The following ACACA variants were observed in gnomAD, a reference collection of about 807,000 sequenced individuals.
The protein encoded by ACACA is acetyl-CoA carboxylase 1.
In ACACA, 103 loss-of-function variants were observed where a neutral mutation model predicts 296.1. That is an observed-to-expected ratio of 0.35 (90% CI 0.30 to 0.41). The LOEUF (loss-of-function observed/expected upper bound fraction) is 0.41. Ranked by LOEUF, ACACA falls within the 10% of genes least tolerant of loss-of-function variation. The pLI is 1.00. For synonymous variants in ACACA, 953 were observed against 1,038.6 expected (o/e 0.92, Z 1.58); for missense variants, 1,554 against 2,989.7 (o/e 0.52, Z 11.20).
chr17:37,193,278 G>T, intron 36 of ACACA, 96 bp downstream of exon 36: 2 of 927,454 alleles, frequency 2.2e-6, no homozygotes, highest in Non-Finnish European at 3.4e-6. Context: ...AGAGAAAAAA[G>T]AATGGCAAGA....
chr17:37,251,253 T>C (rs1231661753), intron 16 of ACACA, among the ~76,000 whole-genome samples: 1 of 152,188 alleles, frequency 6.6e-6, no homozygotes, highest in African/African-American at 2.4e-5. Flanking sequence ...CCAAGGGATT[T>C]AGATTTGATA....
At chr17:37,335,856 CTTT>C (rs1240282525) in intron 2 of ACACA, among the ~76,000 whole-genome samples, 1 of 152,074 alleles carries the variant, frequency 6.6e-6, no homozygotes, top group Non-Finnish European at 1.5e-5. Context: ...GCGGGGGAAC[CTTT>C]TTATTTTTAG....
chr17:37,189,362 C>T (rs2077658676), intron 38 of ACACA, among the ~76,000 whole-genome samples: 1 of 152,144 alleles, frequency 6.6e-6, no homozygotes, highest in Non-Finnish European at 1.5e-5. Context: ...TCTTACATTC[C>T]CTTTCTCTTG....
At chr17:37,301,037 A>T (rs918547999) in intron 3 of ACACA, among the ~76,000 whole-genome samples, 1 of 152,226 alleles carries the variant, frequency 6.6e-6, no homozygotes, top group Non-Finnish European at 1.5e-5. Context: ...AACTTGTTAT[A>T]CAAGTTCACC....
At chr17:37,319,943 T>C (rs2047270988) in intron 3 of ACACA, among the ~76,000 whole-genome samples, 1 of 151,312 alleles carries the variant, frequency 6.6e-6, no homozygotes, top group African/African-American at 2.4e-5. Flanking sequence ...AGAGTGAGAC[T>C]CCATCTCAAA....
At chr17:37,154,808 A>G (rs2076174465) in intron 43 of ACACA, among the ~76,000 whole-genome samples, 1 of 152,184 alleles carries the variant, frequency 6.6e-6, no homozygotes, top group African/African-American at 2.4e-5. Flanking sequence ...AGCAATTAAC[A>G]TTCTTAAAAA....
chr17:37,156,397 T>G (rs1328920933), intron 42 of ACACA, among the ~76,000 whole-genome samples: 1 of 146,642 alleles, frequency 6.8e-6, no homozygotes, highest in Non-Finnish European at 1.5e-5. Flanking sequence ...AGGGTCATTT[T>G]CTGATCTTTA....
At chr17:37,123,066 C>T (rs2074603381) in intron 48 of ACACA, among the ~76,000 whole-genome samples, 1 of 152,158 alleles carries the variant, frequency 6.6e-6, no homozygotes, top group Admixed American at 6.5e-5. Context: ...TGAGGACTGA[C>T]CTTGCTGAAA....
At chr17:37,162,403 C>T (rs900675460) in intron 41 of ACACA, among the ~76,000 whole-genome samples, 1 of 152,158 alleles carries the variant, frequency 6.6e-6, no homozygotes, top group Non-Finnish European at 1.5e-5. Flanking sequence ...TATACTAAGA[C>T]ACTGATATGG....
intron 10 of ACACA, among the ~76,000 whole-genome samples, chr17:37,266,355 A>C (rs200036749): frequency 6.6e-6 from 1 of 151,946 alleles, no homozygotes; most frequent in East Asian, 1.9e-4. Context: ...TGGAGGTTGC[A>C]GTGAGCCGAG....
chr17:37,303,176 A>G (rs923796857), intron 3 of ACACA, among the ~76,000 whole-genome samples: 1 of 152,158 alleles, frequency 6.6e-6, no homozygotes, highest in African/African-American at 2.4e-5. Flanking sequence ...ATGCTCCCCA[A>G]TCCTAGCCAA....
intron 45 of ACACA, chr17:37,144,327 C>T (rs533182943): frequency 9.5e-6 from 5 of 524,022 alleles, no homozygotes; most frequent in Middle Eastern, 5.8e-4. Context: ...CACAGAGTCA[C>T]CCAGTGCCTG....
At chr17:37,368,197 G>C (rs1173726648) in intron 1 of ACACA, among the ~76,000 whole-genome samples, 1 of 152,178 alleles carries the variant, frequency 6.6e-6, no homozygotes, top group Non-Finnish European at 1.5e-5. Context: ...ACTTGAACCC[G>C]AGGGGCGGAG....
rs182009232 is a variant in ACACA at position 37,374,903 on chromosome 17, A to G, written c.38+31359T>C. Reference sequence around the variant, plus strand: ...TATAACTGGATTAATTCTAGAGATCATATGGTTCACGGCCGGCTGGGGTGG... The same window carrying G: ...TATAACTGGATTAATTCTAGAGATCGTATGGTTCACGGCCGGCTGGGGTGG... On this transcript the variant is annotated intron_variant, in intron 1 of 55. Transcript: ENST00000616317. Among the ~76,000 whole-genome samples the G allele has an allele frequency of 2.6e-5, 4 of 152,238 alleles. No homozygotes were observed. In the East Asian group the frequency reaches 7.7e-4, roughly 29 times the overall value.
chr17:37,351,545 A>G (rs2048903623), intron 1 of ACACA, among the ~76,000 whole-genome samples: 1 of 152,232 alleles, frequency 6.6e-6, no homozygotes, highest in African/African-American at 2.4e-5. Flanking sequence ...TAAGTTTAAT[A>G]AAAAGCTTTC....
At chr17:37,212,579 G>A (rs1452560312) in intron 29 of ACACA, among the ~76,000 whole-genome samples, 2 of 151,976 alleles carry the variant, frequency 1.3e-5, no homozygotes, top group Non-Finnish European at 2.9e-5. Context: ...AGGAAGGAAG[G>A]ATAAACTGTC....
chr17:37,360,287 G>C (rs911827857), intron 1 of ACACA: 7 of 152,266 alleles, frequency 4.6e-5, no homozygotes, highest in African/African-American at 1.7e-4. Context: ...GGAAGGCCAG[G>C]AGAGGTGCAG....
chr17:37,128,091 A>G (rs2074909281), intron 47 of ACACA, among the ~76,000 whole-genome samples: 1 of 149,632 alleles, frequency 6.7e-6, no homozygotes, highest in East Asian at 2.0e-4. Flanking sequence ...CTTTCCAGGC[A>G]TGTAAAGAAA....
chr17:37,395,815 T>C (rs2051061361), intron 1 of ACACA, among the ~76,000 whole-genome samples: 1 of 152,180 alleles, frequency 6.6e-6, no homozygotes, highest in Non-Finnish European at 1.5e-5. Context: ...AGTGCTGGGA[T>C]TATAGGCGCG....
Sources: allele counts gnomAD v4.1 joint callset (sites outside exome capture counted in the v4.1 genomes callset), GRCh38; gene constraint gnomAD v4.1.1; transcripts MANE v1.5; gene names NCBI Gene and HGNC (gene_info 2026-07-23, HGNC 2026-07-21).